Variants in NCOA2 observed in about 807,000 individuals in gnomAD.
NCOA2 encodes the protein class E basic helix-loop-helix protein 75.
Under a neutral mutation model 145.1 loss-of-function variants are expected in NCOA2, and 21 were observed. That is an observed-to-expected ratio of 0.14 (90% CI 0.10 to 0.21). The LOEUF is 0.21. NCOA2 is among the 10% of genes least tolerant of loss of function. The pLI is 1.00. For synonymous variants in NCOA2, 619 were observed against 637.5 expected (o/e 0.97, Z 0.44); for missense variants, 1,472 against 1,837.6 (o/e 0.80, Z 3.64).
the NCOA2 span, among the ~76,000 whole-genome samples, chr8:70,412,013 G>T: frequency 6.6e-6 from 1 of 152,190 alleles, no homozygotes; most frequent in Non-Finnish European, 1.5e-5. Context: ...TGTTATTGTT[G>T]TTTGCATTTA....
the NCOA2 span, among the ~76,000 whole-genome samples, chr8:70,431,187 T>C: frequency 6.6e-6 from 1 of 151,910 alleles, no homozygotes; most frequent in Non-Finnish European, 1.5e-5. Flanking sequence ...GAATTATGTG[T>C]ATATATTTTA....
chr8:70,409,890 TAA>T, the NCOA2 span, among the ~76,000 whole-genome samples: 1 of 149,028 alleles, frequency 6.7e-6, no homozygotes, highest in Admixed American at 6.7e-5. Context: ...AAAGAAAGAA[TAA>T]AAGAGAGAGA....
At chr8:70,274,949 C>T (rs1825362015) in intron 2 of NCOA2, among the ~76,000 whole-genome samples, 1 of 152,120 alleles carries the variant, frequency 6.6e-6, no homozygotes, top group Admixed American at 6.6e-5. Context: ...ATTAAGATTT[C>T]GGCTAGAGAA....
intron 14 of NCOA2, among the ~76,000 whole-genome samples, chr8:70,138,721 A>C (rs1489023687): frequency 6.6e-6 from 1 of 152,258 alleles, no homozygotes; most frequent in Admixed American, 6.5e-5. Context: ...TCTAGATCCA[A>C]GTAAGTGGAA....
At chr8:70,338,969 T>A (rs1220148031) in intron 1 of NCOA2, among the ~76,000 whole-genome samples, 1 of 152,116 alleles carries the variant, frequency 6.6e-6, no homozygotes, top group Non-Finnish European at 1.5e-5. Flanking sequence ...AAGAGCCATA[T>A]ATGACAAACT....
At chr8:70,313,090 G>C (rs1286102102) in intron 1 of NCOA2, among the ~76,000 whole-genome samples, 1 of 152,148 alleles carries the variant, frequency 6.6e-6, no homozygotes, top group Non-Finnish European at 1.5e-5. Context: ...AGGTAAAGGG[G>C]AAGATAAATT....
intron 2 of NCOA2, among the ~76,000 whole-genome samples, chr8:70,246,166 G>A (rs1822602734): frequency 1.3e-5 from 2 of 152,070 alleles, no homozygotes; most frequent in African/African-American, 2.4e-5. Context: ...CACAGAGGCT[G>A]CTCCATGTTT....
intron 1 of NCOA2, among the ~76,000 whole-genome samples, chr8:70,318,690 A>C (rs780830858): frequency 7.2e-5 from 11 of 152,114 alleles, no homozygotes; most frequent in Non-Finnish European, 1.3e-4. Context: ...ATTTGAGCCC[A>C]GGAGGTTGAG....
intron 1 of NCOA2, among the ~76,000 whole-genome samples, chr8:70,326,035 A>G (rs1806526225): frequency 6.6e-6 from 1 of 152,212 alleles, no homozygotes; most frequent in African/African-American, 2.4e-5. Context: ...CTGGCAAGAC[A>G]AGCCAAAAAC....
chr8:70,197,825 T>C lies in NCOA2; in HGVS notation c.259+16078A>G, dbSNP rs73289217. 6.6e-3 allele frequency among the ~76,000 whole-genome samples: 915 copies of C among 137,822 alleles called. 8 individuals carry two copies. The highest frequency in any genetic ancestry group is 0.023 in the African/African-American group (886 of 38,020). The allele number at this position is 137,822 out of a possible 152,430, so 90.4% of individuals were successfully genotyped here. Reference sequence around the variant, plus strand: ...CTTGGATTTCTTGCTGCTTTCACATTTTCTCTAAAAGTTTTTTTTTTTTTT... The same window carrying C: ...CTTGGATTTCTTGCTGCTTTCACATCTTCTCTAAAAGTTTTTTTTTTTTTT... On this transcript the variant is annotated intron_variant, in intron 4 of 22. Coordinates refer to ENST00000452400, the MANE Select transcript of NCOA2 (RefSeq NM_006540.4).
the NCOA2 span, among the ~76,000 whole-genome samples, chr8:70,440,775 GAAAGA>G: frequency 6.8e-6 from 1 of 147,968 alleles, no homozygotes. Flanking sequence ...AGAAAGGAAA[GAAAGA>G]AAAGAAGAAA....
chr8:70,282,398 C>T (rs780500155), intron 2 of NCOA2, among the ~76,000 whole-genome samples: 103 of 152,224 alleles, frequency 6.8e-4, no homozygotes, highest in East Asian at 5.8e-4. Context: ...ATCAGCCAGG[C>T]CATAAGGCCG....
At chr8:70,374,703 G>A (rs1811510857) in intron 1 of NCOA2, among the ~76,000 whole-genome samples, 1 of 151,658 alleles carries the variant, frequency 6.6e-6, no homozygotes, top group East Asian at 1.9e-4. Context: ...TCGGGAGGCT[G>A]AGGTGGGAAG....
At chr8:70,342,937 C>G (rs1442179344) in intron 1 of NCOA2, among the ~76,000 whole-genome samples, 1 of 151,718 alleles carries the variant, frequency 6.6e-6, no homozygotes, top group African/African-American at 2.4e-5. Flanking sequence ...AATGATACCA[C>G]TAGATAGAGT....
intron 4 of NCOA2, among the ~76,000 whole-genome samples, chr8:70,212,911 GT>G (rs1819191467): frequency 6.6e-6 from 1 of 151,858 alleles, no homozygotes; most frequent in African/African-American, 2.4e-5. Flanking sequence ...GTGAAACCCT[GT>G]TTTTACTAAA....
chr8:70,318,126 G>A (rs552930466), intron 1 of NCOA2, among the ~76,000 whole-genome samples: 3 of 152,150 alleles, frequency 2.0e-5, no homozygotes, highest in Admixed American at 6.5e-5. Flanking sequence ...AGGTCAAGCC[G>A]GTTTGCTTCT....
In NCOA2 at chr8:70,170,243, T is replaced by A; in HGVS notation, c.500A>T (p.Asp167Val). 1 of 1,613,508 alleles carries A rather than the reference T, an allele frequency of 6.2e-7. No homozygotes were observed. The highest frequency in any genetic ancestry group is 8.5e-7 in the Non-Finnish European group (1 of 1,179,726). ...CAGGTTTTTGACAAATTCCGTGTGG[T>A]CCCCAACATGCAAGATGCTATATAC... ...KSVYSILHVG[D>V]HTEFVKNLLP... is the part of the protein sequence containing the mutation. Residue 167 changes from aspartate (D) to valine (V), a missense_variant, in exon 6 of 23, where the codon GAC becomes GTC. Asp to Val is a radical substitution (Grantham distance 152). Around this residue, in one of 4 missense-constraint regions of NCOA2, gnomAD observed 284 missense variants for 467.8 expected, o/e 0.61. Transcript: ENST00000452400.
At chr8:70,455,673 ATT>A in the NCOA2 span, among the ~76,000 whole-genome samples, 2 of 138,710 alleles carry the variant, frequency 1.4e-5, no homozygotes, top group Non-Finnish European at 3.2e-5. Flanking sequence ...CGAGTCCTTC[ATT>A]TTTTTTTTTT....
chr8:70,429,479 T>G, the NCOA2 span, among the ~76,000 whole-genome samples: 13 of 152,382 alleles, frequency 8.5e-5, no homozygotes, highest in East Asian at 1.7e-3. Flanking sequence ...CATTTCATCC[T>G]TTCTTGCTTG....
Sources: allele counts gnomAD v4.1 joint callset (sites outside exome capture counted in the v4.1 genomes callset), GRCh38; gene constraint gnomAD v4.1.1; regional missense constraint gnomAD v4.1.1; transcripts MANE v1.5; gene names NCBI Gene and HGNC (gene_info 2026-07-23, HGNC 2026-07-21).